STK35: variants seen among roughly 807,000 people sequenced by gnomAD.
The protein encoded by STK35 is serine/threonine kinase 35.
STK35 carries 17 observed loss-of-function variants against 37.3 expected under a neutral mutation model. The observed-to-expected ratio is 0.46, with a 90% CI of 0.31 to 0.68. The LOEUF is 0.68. Ranked by LOEUF, STK35 falls within the 30% of genes least tolerant of loss-of-function variation. STK35 has a pLI of 0.05. For missense variants in STK35, 595 were observed against 746.7 expected (o/e 0.80, Z 2.37); for synonymous variants, 385 against 319.1 (o/e 1.21, Z -2.20).
rs73892023 is a variant in STK35, at chr20:2,112,548, G to C, written c.893-4118G>C. ...GTGAGCTGGGAGACAGCATGGTCTGGGGGGAGGACTTGCTGTGGGGGTTCT... is the reference window on the plus strand; with the variant it reads ...GTGAGCTGGGAGACAGCATGGTCTGCGGGGAGGACTTGCTGTGGGGGTTCT... On this transcript the variant is annotated intron_variant, in intron 2 of 3. Coordinates refer to ENST00000381482, the MANE Select transcript of STK35 (RefSeq NM_080836.4). 1.2e-3 allele frequency among the ~76,000 whole-genome samples: 186 copies of C among 152,264 alleles called. 1 individual carries two copies. The highest frequency in any genetic ancestry group is 4.2e-3 in the African/African-American group (175 of 41,544).
At chr20:2,107,448 TG>T (rs1985537667) in intron 2 of STK35, among the ~76,000 whole-genome samples, 1 of 152,248 alleles carries the variant, frequency 6.6e-6, no homozygotes, top group Non-Finnish European at 1.5e-5. Flanking sequence ...TAATCTTGCC[TG>T]CACACCAAGT....
chr20:2,117,509 A>G lies in STK35; in HGVS notation c.*37+94A>G, dbSNP rs1985737594. 5 of 673,450 alleles carry G rather than the reference A, an allele frequency of 7.4e-6. No individual in the cohort carries two copies. Among genetic ancestry groups the G allele is most frequent in the Non-Finnish European group, 1.2e-5 (5 of 413,434 alleles). 41.7% of individuals were successfully genotyped at this position (673,450 alleles called of 1,614,324 possible). On this transcript the variant is annotated intron_variant, in intron 3 of 3. Transcript: ENST00000381482. This position sits in a 1 kb window ranked among gnomAD's most constrained non-coding sequence, Gnocchi z 4.4. Reference sequence around the variant, plus strand: ...GGGGTGCAGCGGGTGCAGTGGCAGGATCTCAGCTCACTGCAACCTCCACCT... The same window carrying G: ...GGGGTGCAGCGGGTGCAGTGGCAGGGTCTCAGCTCACTGCAACCTCCACCT...
chr20:2,109,834 G>C (rs1985584762), intron 2 of STK35, among the ~76,000 whole-genome samples: 1 of 152,200 alleles, frequency 6.6e-6, no homozygotes, highest in African/African-American at 2.4e-5. Context: ...AATTTGCCCA[G>C]GATCATATAG....
At chr20:2,142,448 CAAAG>C (rs754938430) in intron 3 of STK35, among the ~76,000 whole-genome samples, 49 of 152,260 alleles carry the variant, frequency 3.2e-4, no homozygotes, top group Non-Finnish European at 4.9e-4. Flanking sequence ...CTCTGCCTGA[CAAAG>C]AAAGGCACGC....
chr20:2,125,596 A>G (rs1985891001), intron 3 of STK35, among the ~76,000 whole-genome samples: 1 of 152,248 alleles, frequency 6.6e-6, no homozygotes, highest in Admixed American at 6.5e-5. Flanking sequence ...TAAAGCAGCC[A>G]GGGCTGCCAT....
In STK35 at chr20:2,102,815, G is replaced by A. The variant is rs781482983; in HGVS notation, c.342G>A (p.Arg114=). Reference sequence around the variant, plus strand: ...CTCCGCGTCCCAGGGCCGGACGGAGGGATGAGGCAGGGGGGGCCCGGGCAG... The same window carrying A: ...CTCCGCGTCCCAGGGCCGGACGGAGAGATGAGGCAGGGGGGGCCCGGGCAG... ...PAPPRPRAGR[R]DEAGGARAAP... is the part of the protein sequence containing the mutation. Residue 114 remains arginine, a synonymous_variant, in exon 2 of 4, where the codon AGG becomes AGA. Transcript: ENST00000381482. The A allele has an allele frequency of 2.3e-4, 346 of 1,516,616 alleles. No individual in the cohort carries two copies. The highest frequency in any genetic ancestry group is 2.8e-4 in the Non-Finnish European group (316 of 1,138,116). The allele number at this position is 1,516,616 out of a possible 1,614,324, so 93.9% of individuals were successfully genotyped here.
intron 3 of STK35, among the ~76,000 whole-genome samples, chr20:2,123,226 A>T (rs1985849333): frequency 6.6e-6 from 1 of 152,138 alleles, no homozygotes; most frequent in African/African-American, 2.4e-5. Flanking sequence ...AGGAAATCAG[A>T]TGTTGGTGTG....
In STK35 at chr20:2,117,493, C is replaced by A; in HGVS notation, c.*37+78C>A. ...CTCTGTTGGTCAGGCTGGGGTGCAG[C>A]GGGTGCAGTGGCAGGATCTCAGCTC... On this transcript the variant is annotated intron_variant, in intron 3 of 3. Coordinates refer to ENST00000381482, the MANE Select transcript of STK35 (RefSeq NM_080836.4). The surrounding 1 kb of genome is among the most constrained non-coding windows in gnomAD (Gnocchi z 4.4). 1 of 785,114 alleles carries A rather than the reference C, an allele frequency of 1.3e-6. No individual in the cohort carries two copies. Among genetic ancestry groups the A allele is most frequent in the Non-Finnish European group, 2.0e-6 (1 of 508,578 alleles). The allele number at this position is 785,114 out of a possible 1,614,324, so 48.6% of individuals were successfully genotyped here.
chr20:2,128,164 C>T lies in STK35; in HGVS notation c.*37+10749C>T, dbSNP rs1001019984. 1.1e-4 allele frequency among the ~76,000 whole-genome samples: 16 copies of T among 152,314 alleles called. 1 individual carries two copies. In the South Asian group the frequency reaches 2.1e-3, roughly 20 times the overall value. On this transcript the variant is annotated intron_variant, in intron 3 of 3. Coordinates refer to ENST00000381482, the MANE Select transcript of STK35 (RefSeq NM_080836.4). Reference sequence around the variant, plus strand: ...TGGAAACTGGGGAGTGGTATTGTATCAGCTCTCCAGGTGATGGCTGATGAA... The same window carrying T: ...TGGAAACTGGGGAGTGGTATTGTATTAGCTCTCCAGGTGATGGCTGATGAA...
intron 3 of STK35, among the ~76,000 whole-genome samples, chr20:2,141,440 A>G (rs1446053200): frequency 6.6e-6 from 1 of 152,118 alleles, no homozygotes; most frequent in African/African-American, 2.4e-5. Flanking sequence ...AGGGAGTCAC[A>G]TAGTCTAACC....
chr20:2,125,599 G>A (rs1447293435), intron 3 of STK35, among the ~76,000 whole-genome samples: 2 of 152,224 alleles, frequency 1.3e-5, no homozygotes, highest in East Asian at 3.8e-4. Flanking sequence ...AGCAGCCAGG[G>A]CTGCCATGGG....
chr20:2,142,194 A>G (rs73074251), intron 3 of STK35, among the ~76,000 whole-genome samples: 8,279 of 152,262 alleles, frequency 0.054, 360 homozygotes, highest in African/African-American at 0.11. Flanking sequence ...AGGAAGGGGT[A>G]GAGTCATTGA....
chr20:2,119,977 G>A lies in STK35; in HGVS notation c.*37+2562G>A, dbSNP rs6112916. 7.8e-3 allele frequency among the ~76,000 whole-genome samples: 1,184 copies of A among 152,278 alleles called. 10 individuals are homozygous for A. The highest frequency in any genetic ancestry group is 0.023 in the African/African-American group (957 of 41,554). On this transcript the variant is annotated intron_variant, in intron 3 of 3. Transcript: ENST00000381482. ...TGTGTTCCAGGTGCTGGACCAATTG[G>A]GCCTACCACCCGTGGGTAGGAGAAC...
At chr20:2,128,031 A>G (rs1248910533) in intron 3 of STK35, among the ~76,000 whole-genome samples, 1 of 152,172 alleles carries the variant, frequency 6.6e-6, no homozygotes, top group Non-Finnish European at 1.5e-5. Context: ...AGTGTCAGTG[A>G]GAAACCCTAG....
At position 2,117,887 on chromosome 20, in the gene STK35, G is replaced by A. The variant is rs1302631978; in HGVS notation, c.*37+472G>A. ...AAAGATCCCCCCCATATCTTGATGG[G>A]AGAAACGTGCAATTATCTGAGTACA... On this transcript the variant is annotated intron_variant, in intron 3 of 3. Transcript: ENST00000381482. This position sits in a 1 kb window ranked among gnomAD's most constrained non-coding sequence, Gnocchi z 4.4. Among the ~76,000 whole-genome samples, 7 of 152,200 alleles carry A rather than the reference G, an allele frequency of 4.6e-5. No individual in the cohort carries two copies. The highest frequency in any genetic ancestry group is 8.8e-5 in the Non-Finnish European group (6 of 68,038).
chr20:2,119,851 G>GGCTCATTCCAAGGTGGGT (rs1985785362), intron 3 of STK35, among the ~76,000 whole-genome samples: 1 of 152,000 alleles, frequency 6.6e-6, no homozygotes, highest in Non-Finnish European at 1.5e-5. Context: ...TCTAGGTGGG[G>GGCTCATTCCAAGGTGGGT]TTGGCTCATT....
At chr20:2,113,686 G>A (rs1389325242) in intron 2 of STK35, among the ~76,000 whole-genome samples, 3 of 152,140 alleles carry the variant, frequency 2.0e-5, no homozygotes, top group South Asian at 2.1e-4. Flanking sequence ...TATTGAAATC[G>A]GTGACTTCCA....
At chr20:2,105,212 G>A (rs1985491526) in intron 2 of STK35, among the ~76,000 whole-genome samples, 1 of 151,330 alleles carries the variant, frequency 6.6e-6, no homozygotes, top group Admixed American at 6.6e-5. Flanking sequence ...TATATTCTAG[G>A]AGCGCATCAC....
chr20:2,115,333 A>G (rs1289336374), intron 2 of STK35, among the ~76,000 whole-genome samples: 2 of 152,130 alleles, frequency 1.3e-5, no homozygotes, highest in East Asian at 3.9e-4. Context: ...AATAGAGTAA[A>G]TGACTAGTAA....
Sources: allele counts gnomAD v4.1 joint callset (sites outside exome capture counted in the v4.1 genomes callset), GRCh38; gene constraint gnomAD v4.1.1; non-coding constraint Gnocchi (gnomAD v3.1); transcripts MANE v1.5; gene names NCBI Gene and HGNC (gene_info 2026-07-23, HGNC 2026-07-21).